Variants in MACROD2 observed in about 807,000 individuals in gnomAD.
MACROD2 encodes the protein ADP-ribose glycohydrolase MACROD2.
MACROD2 carries 36 observed loss-of-function variants against 70.4 expected under a neutral mutation model. The ratio of observed to expected loss-of-function variants is 0.51; its 90% CI spans 0.39 to 0.68. The LOEUF is 0.68. Ranked by LOEUF, MACROD2 falls within the 30% of genes least tolerant of loss-of-function variation. The pLI, the probability that MACROD2 is intolerant of heterozygous loss-of-function variation, is 0.00. For synonymous variants in MACROD2, 172 were observed against 178.8 expected, an observed-to-expected ratio of 0.96 and a Z score of 0.30; for missense variants, 496 against 538.4, an observed-to-expected ratio of 0.92 and a Z score of 0.78.
At position 14,557,458 on chromosome 20, in the gene MACROD2, AT is replaced by A. The variant is rs1456547918; in HGVS notation, c.301+63953del. Among the ~76,000 whole-genome samples the A allele has an allele frequency of 4.6e-5, 7 of 152,090 alleles. No individual in the cohort carries two copies. In the East Asian group the frequency reaches 1.2e-3, roughly 25 times the overall value. On this transcript the variant is annotated intron_variant, in intron 4 of 17. Transcript: ENST00000684519. The stretch of plus-strand genomic sequence containing the variant: ...TACAGGTCACAAAATGGGAGAAAAT[AT>A]TTGTAAAGCATACATCTGATAAGAA...
intron 5 of MACROD2, among the ~76,000 whole-genome samples, chr20:14,721,044 C>T (rs2071462408): frequency 6.6e-6 from 1 of 151,820 alleles, no homozygotes; most frequent in South Asian, 2.1e-4. Flanking sequence ...TGCTTGAGCT[C>T]GGGAGTTAGC....
intron 3 of MACROD2, among the ~76,000 whole-genome samples, chr20:14,466,636 T>C (rs1308878704): frequency 6.6e-6 from 1 of 152,142 alleles, no homozygotes; most frequent in Non-Finnish European, 1.5e-5. Context: ...CCGGTTTTTC[T>C]GCTCTGTTTT....
intron 2 of MACROD2, among the ~76,000 whole-genome samples, chr20:14,029,290 A>G (rs2053218978): frequency 6.6e-6 from 1 of 152,202 alleles, no homozygotes; most frequent in Admixed American, 6.5e-5. Context: ...AGAAGTTAAC[A>G]TGTTAGGGGA....
intron 8 of MACROD2, among the ~76,000 whole-genome samples, chr20:15,826,803 G>A (rs1256935566): frequency 1.3e-5 from 2 of 152,118 alleles, no homozygotes; most frequent in African/African-American, 4.8e-5. Context: ...AAATGATACG[G>A]CATTTACTTC....
chr20:15,942,474 A>T (rs2065764175), intron 12 of MACROD2, among the ~76,000 whole-genome samples: 1 of 152,198 alleles, frequency 6.6e-6, no homozygotes, highest in Non-Finnish European at 1.5e-5. Context: ...TTATTTGTGA[A>T]ATAGGATGTG....
intron 13 of MACROD2, among the ~76,000 whole-genome samples, chr20:15,985,372 C>G (rs1134050): frequency 0.74 from 113,096 of 152,086 alleles, 42,987 homozygotes; most frequent in Non-Finnish European, 0.82. Context: ...AAGTCAAAAC[C>G]AAAACCAAAG....
intron 7 of MACROD2, among the ~76,000 whole-genome samples, chr20:15,454,456 C>T (rs2046693357): frequency 6.8e-6 from 1 of 147,726 alleles, no homozygotes; most frequent in Non-Finnish European, 1.5e-5. Context: ...CACACACACC[C>T]TTATTATACA....
In MACROD2 at chr20:15,183,368, C is replaced by CAATAA. The variant is rs200530026; in HGVS notation, c.419-46552_419-46548dup. 6.6e-3 allele frequency among the ~76,000 whole-genome samples: 1,000 copies of CAATAA among 151,676 alleles called. 7 individuals carry two copies. Among genetic ancestry groups the CAATAA allele is most frequent in the East Asian group, 0.039 (199 of 5,150 alleles). ...TGGGCAACATAATGAGATGCCATCTCAATAAAATAAAATAAAATAAAATAG... is the reference window on the plus strand; with the variant it reads ...TGGGCAACATAATGAGATGCCATCTCAATAAAATAAAATAAAATAAAATAAAATAG... On this transcript the variant is annotated intron_variant, in intron 5 of 17. Transcript: ENST00000684519.
intron 12 of MACROD2, among the ~76,000 whole-genome samples, chr20:15,940,811 G>A (rs961155097): frequency 6.6e-6 from 1 of 152,182 alleles, no homozygotes; most frequent in Non-Finnish European, 1.5e-5. Context: ...AAATAAATGT[G>A]ATCAAATGTG....
At position 14,391,438 on chromosome 20, in the gene MACROD2, C is replaced by T. The variant is rs186785392; in HGVS notation, c.272-102041C>T. 2.0e-5 allele frequency among the ~76,000 whole-genome samples: 3 copies of T among 151,878 alleles called. No individual in the cohort carries two copies. The East Asian group carries it at 5.8e-4, about 30-fold the overall frequency. On this transcript the variant is annotated intron_variant, in intron 3 of 17. Coordinates refer to ENST00000684519, the MANE Select transcript of MACROD2 (RefSeq NM_001351661.2). ...TAAATGATGAGAACAAATGGATACA[C>T]GGAGGGGAACAACACACACTGGGGC... is the stretch of plus-strand genomic sequence containing the variant.
At chr20:14,736,679 A>G (rs2071668746) in intron 5 of MACROD2, among the ~76,000 whole-genome samples, 2 of 152,158 alleles carry the variant, frequency 1.3e-5, no homozygotes, top group Admixed American at 6.5e-5. Flanking sequence ...CCATTTAATC[A>G]TCATGACGAC....
intron 6 of MACROD2, among the ~76,000 whole-genome samples, chr20:15,384,174 G>A (rs2146282950): frequency 6.6e-6 from 1 of 152,272 alleles, no homozygotes. Flanking sequence ...TTAACCCATA[G>A]TGCATAGCCT....
chr20:14,411,569 T>A (rs2083749376), intron 3 of MACROD2, among the ~76,000 whole-genome samples: 2 of 152,050 alleles, frequency 1.3e-5, no homozygotes, highest in African/African-American at 4.8e-5. Flanking sequence ...TAAAATTCAG[T>A]CTAAGATACT....
intron 8 of MACROD2, among the ~76,000 whole-genome samples, chr20:15,652,543 C>T (rs2049661023): frequency 1.3e-5 from 2 of 152,174 alleles, no homozygotes; most frequent in Admixed American, 1.3e-4. Flanking sequence ...CACTAACTAG[C>T]TGGGTGACTT....
intron 8 of MACROD2, among the ~76,000 whole-genome samples, chr20:15,657,627 G>T (rs566458208): frequency 2.6e-5 from 4 of 152,212 alleles, no homozygotes; most frequent in African/African-American, 9.6e-5. Flanking sequence ...GATTAAATGG[G>T]CTACAGAAAA....
chr20:15,238,590 G>A (rs2077034458), intron 6 of MACROD2, among the ~76,000 whole-genome samples: 1 of 151,922 alleles, frequency 6.6e-6, no homozygotes, highest in Non-Finnish European at 1.5e-5. Flanking sequence ...GAAATATATT[G>A]TCATATATTT....
intron 2 of MACROD2, among the ~76,000 whole-genome samples, chr20:14,050,138 C>T (rs1355860061): frequency 6.6e-6 from 1 of 151,790 alleles, no homozygotes; most frequent in East Asian, 1.9e-4. Context: ...GGATACTTCC[C>T]TTCCTCGCTT....
chr20:15,172,851 G>A (rs553226217), intron 5 of MACROD2, among the ~76,000 whole-genome samples: 35 of 152,308 alleles, frequency 2.3e-4, no homozygotes, highest in African/African-American at 7.5e-4. Context: ...AATTGGGGAA[G>A]CATTACTGTG....
chr20:15,017,675 G>A (rs561295120), intron 5 of MACROD2, among the ~76,000 whole-genome samples: 2 of 152,300 alleles, frequency 1.3e-5, no homozygotes, highest in East Asian at 1.9e-4. Flanking sequence ...AGGCATTTCC[G>A]TACATCTTCT....
Sources: allele counts gnomAD v4.1 joint callset (sites outside exome capture counted in the v4.1 genomes callset), GRCh38; gene constraint gnomAD v4.1.1; transcripts MANE v1.5; gene names NCBI Gene and HGNC (gene_info 2026-07-23, HGNC 2026-07-21).